The following LRP1B variants were observed in gnomAD, a reference collection of about 807,000 sequenced individuals.
The protein encoded by LRP1B is LDL receptor related protein 1B, also known as low-density lipoprotein receptor-related protein 1B.
In LRP1B, 217 loss-of-function variants were observed where a neutral mutation model predicts 556.6. The observed-to-expected ratio is 0.39, with a 90% CI of 0.35 to 0.44. The LOEUF (loss-of-function observed/expected upper bound fraction) is 0.44, where lower values mean the gene tolerates loss of function less well. Ranked by LOEUF, LRP1B falls within the 20% of genes least tolerant of loss-of-function variation. The pLI, the probability that LRP1B is intolerant of heterozygous loss-of-function variation, is 1.00. For missense variants in LRP1B, 5,053 were observed against 5,620.8 expected (o/e 0.90, Z 3.23); for synonymous variants, 2,047 against 1,865.8 (o/e 1.10, Z -2.50).
chr2:140,702,324 C>A (rs1305087822), intron 38 of LRP1B, 32 bp from the exon 39 acceptor site: 9 of 1,609,658 alleles, frequency 5.6e-6, no homozygotes, highest in Non-Finnish European at 6.8e-6. Flanking sequence ...ACGTTACAGA[C>A]TATATTTGAT....
intron 85 of LRP1B, among the ~76,000 whole-genome samples, chr2:140,272,766 AATT>A (rs1456432768): frequency 6.6e-6 from 1 of 152,010 alleles, no homozygotes; most frequent in African/African-American, 2.4e-5. Context: ...AAATCCAAAG[AATT>A]ATGTTTGTAT....
In LRP1B at chr2:141,188,433, T is replaced by C; in HGVS notation, c.1001A>G (p.Asp334Gly). ...ELHNPKAIAVDPIAGKLFFTD... is the reference protein window; with the variant it reads ...ELHNPKAIAVGPIAGKLFFTD... ...AAGAATTTCTTACCCTGCTATTGGATCTACTGCTATTGCTTTAGGATTGTG... is the reference window on the plus strand; with the variant it reads ...AAGAATTTCTTACCCTGCTATTGGACCTACTGCTATTGCTTTAGGATTGTG... Residue 334 changes from aspartate to glycine, a missense_variant, in exon 7 of 91, where the codon GAT becomes GGT. This residue lies in a region of LRP1B where 3,619 missense variants were observed against 3,931.9 expected (regional missense o/e 0.92). Coordinates refer to ENST00000389484, the MANE Select transcript of LRP1B (RefSeq NM_018557.3). 1.2e-6 allele frequency: 2 copies of C among 1,611,932 alleles called. No homozygotes were observed. Among genetic ancestry groups the C allele is most frequent in the Non-Finnish European group, 8.5e-7 (1 of 1,178,880 alleles).
chr2:141,960,213 T>G (rs182480029), intron 1 of LRP1B, among the ~76,000 whole-genome samples: 3 of 151,696 alleles, frequency 2.0e-5, no homozygotes, highest in African/African-American at 7.3e-5. Flanking sequence ...GATGAAGACA[T>G]TGGGATCCAA....
intron 2 of LRP1B, among the ~76,000 whole-genome samples, chr2:141,724,894 C>A (rs547325654): frequency 1.3e-5 from 2 of 152,030 alleles, no homozygotes; most frequent in South Asian, 4.1e-4. Context: ...CATTAAGTTA[C>A]ATTAAAATCT....
chr2:142,057,427 G>C lies in LRP1B; in HGVS notation c.82+73221C>G, dbSNP rs993917566. ...CTTATGTGCAAGAAGATGGGGGTCA[G>C]GGTGAGGTTGTCAAATATCTCTTCC... On this transcript the variant is annotated intron_variant, in intron 1 of 90. Coordinates refer to ENST00000389484, the MANE Select transcript of LRP1B (RefSeq NM_018557.3). Among the ~76,000 whole-genome samples, 7 of 152,232 alleles carry C rather than the reference G, an allele frequency of 4.6e-5. No homozygotes were observed. The East Asian group carries it at 1.4e-3, about 30-fold the overall frequency.
intron 2 of LRP1B, among the ~76,000 whole-genome samples, chr2:141,669,898 G>A (rs916796334): frequency 2.6e-5 from 4 of 151,940 alleles, no homozygotes; most frequent in African/African-American, 9.7e-5. Flanking sequence ...GGGATTACAG[G>A]CACGTGCCAC....
rs80189559 is a variant in LRP1B, at chr2:141,354,105, G to A, written c.344-99464C>T. 3.5e-4 allele frequency among the ~76,000 whole-genome samples: 53 copies of A among 151,928 alleles called. 1 individual carries two copies. Among genetic ancestry groups the A allele is most frequent in the Non-Finnish European group, 5.4e-4 (37 of 67,902 alleles). ...ACTGAGGATCAAAAACCTACCTCTC[G>A]GGTACTATGCTTATCACCTGGATGA... On this transcript the variant is annotated intron_variant, in intron 3 of 90. Coordinates refer to ENST00000389484, the MANE Select transcript of LRP1B (RefSeq NM_018557.3).
chr2:140,426,775 G>A (rs1047968250), intron 66 of LRP1B, among the ~76,000 whole-genome samples: 2 of 152,166 alleles, frequency 1.3e-5, no homozygotes, highest in African/African-American at 2.4e-5. Context: ...AGCCTGTTTG[G>A]TGGTCTCTTC....
intron 1 of LRP1B, among the ~76,000 whole-genome samples, chr2:141,879,384 A>G (rs1698879336): frequency 6.6e-6 from 1 of 152,018 alleles, no homozygotes; most frequent in African/African-American, 2.4e-5. Context: ...CAAATGCACT[A>G]GGAAAATATG....
chr2:140,910,437 G>A (rs1573869635), intron 21 of LRP1B, among the ~76,000 whole-genome samples: 1 of 151,460 alleles, frequency 6.6e-6, no homozygotes, highest in South Asian at 2.1e-4. Flanking sequence ...TTTAAAATAA[G>A]GATGATAAAA....
chr2:141,357,441 T>C (rs896242731), intron 3 of LRP1B, among the ~76,000 whole-genome samples: 1 of 152,356 alleles, frequency 6.6e-6, no homozygotes. Context: ...ACCACTATTT[T>C]GTAACTATGA....
At chr2:141,134,993 T>C (rs961360339) in intron 7 of LRP1B, among the ~76,000 whole-genome samples, 1 of 151,762 alleles carries the variant, frequency 6.6e-6, no homozygotes, top group Non-Finnish European at 1.5e-5. Flanking sequence ...AAAATACAAG[T>C]ATTGTCACTA....
intron 2 of LRP1B, among the ~76,000 whole-genome samples, chr2:141,655,029 G>A (rs1381270490): frequency 6.6e-6 from 1 of 152,088 alleles, no homozygotes; most frequent in Non-Finnish European, 1.5e-5. Context: ...ACCTAGAATA[G>A]TTTTACAGAA....
chr2:141,425,225 C>A (rs1276078655), intron 3 of LRP1B, among the ~76,000 whole-genome samples: 1 of 151,750 alleles, frequency 6.6e-6, no homozygotes, highest in Non-Finnish European at 1.5e-5. Flanking sequence ...CAATTTCATC[C>A]ATGTCCCTAC....
intron 7 of LRP1B, among the ~76,000 whole-genome samples, chr2:141,118,453 A>G (rs1700961049): frequency 6.6e-6 from 1 of 151,948 alleles, no homozygotes; most frequent in Non-Finnish European, 1.5e-5. Context: ...TATTTCTAAT[A>G]ATTGGTCAAG....
intron 3 of LRP1B, among the ~76,000 whole-genome samples, chr2:141,393,349 C>G (rs1411579302): frequency 6.6e-6 from 1 of 152,068 alleles, no homozygotes; most frequent in African/African-American, 2.4e-5. Context: ...GTATGTCAAC[C>G]CTACCTTATT....
chr2:140,903,661 T>C lies in LRP1B; in HGVS notation c.3521-496A>G, dbSNP rs16844930. Among the ~76,000 whole-genome samples the C allele has an allele frequency of 2.5e-3, 375 of 152,146 alleles. 1 individual carries two copies. Among genetic ancestry groups the C allele is most frequent in the African/African-American group, 8.8e-3 (367 of 41,526 alleles). On this transcript the variant is annotated intron_variant, in intron 22 of 90. Coordinates refer to ENST00000389484, the MANE Select transcript of LRP1B (RefSeq NM_018557.3). ...TCTTTTGCAACACTTGTACAGTCCA[T>C]TTTGGAGTTAAAATGCAGAATGGAT...
intron 2 of LRP1B, among the ~76,000 whole-genome samples, chr2:141,600,517 T>C (rs1207451182): frequency 6.6e-6 from 1 of 152,070 alleles, no homozygotes; most frequent in Non-Finnish European, 1.5e-5. Flanking sequence ...TCTGTTGGCA[T>C]CAGGGTTTAA....
chr2:140,824,444 G>T (rs914038752), intron 31 of LRP1B, among the ~76,000 whole-genome samples: 2 of 151,948 alleles, frequency 1.3e-5, no homozygotes, highest in Non-Finnish European at 2.9e-5. Flanking sequence ...ATTTATTTTT[G>T]CCTGTTCTTT....
Sources: allele counts gnomAD v4.1 joint callset (sites outside exome capture counted in the v4.1 genomes callset), GRCh38; gene constraint gnomAD v4.1.1; regional missense constraint gnomAD v4.1.1; transcripts MANE v1.5; gene names NCBI Gene and HGNC (gene_info 2026-07-23, HGNC 2026-07-21).